ARL15: variants seen among roughly 807,000 people sequenced by gnomAD.
ARL15 encodes ADP-ribosylation factor-like protein 15.
ARL15 carries 19 observed loss-of-function variants against 25.2 expected under a neutral mutation model. The observed-to-expected ratio is 0.75, with a 90% CI of 0.53 to 1.10. The LOEUF is 1.10. Ranked by LOEUF, ARL15 falls within the 50% of genes least tolerant of loss-of-function variation. The pLI, the probability that ARL15 is intolerant of heterozygous loss-of-function variation, is 0.00. For synonymous variants in ARL15, 94 were observed against 86.8 expected, an observed-to-expected ratio of 1.08 and a Z score of -0.46; for missense variants, 220 against 246.0, an observed-to-expected ratio of 0.89 and a Z score of 0.71.
At chr5:54,199,579 C>T (rs906650014) in intron 1 of ARL15, among the ~76,000 whole-genome samples, 3 of 151,532 alleles carry the variant, frequency 2.0e-5, no homozygotes, top group Non-Finnish European at 3.0e-5. Context: ...AAATGCAAAT[C>T]AAAACCACAA....
chr5:54,224,906 C>T (rs1481306662), intron 1 of ARL15, among the ~76,000 whole-genome samples: 1 of 152,138 alleles, frequency 6.6e-6, no homozygotes. Flanking sequence ...CAGGTGGGAA[C>T]TGAGAAACAC....
chr5:54,099,187 T>C (rs1194237987), intron 4 of ARL15, among the ~76,000 whole-genome samples: 3 of 152,188 alleles, frequency 2.0e-5, no homozygotes, highest in Admixed American at 1.3e-4. Context: ...TATATTTGCA[T>C]TTGTACTTTT....
intron 4 of ARL15, among the ~76,000 whole-genome samples, chr5:54,002,352 G>C (rs1472786871): frequency 6.6e-6 from 1 of 152,228 alleles, no homozygotes; most frequent in African/African-American, 2.4e-5. Context: ...GACCTAGAGA[G>C]GGTATTGAGT....
intron 4 of ARL15, among the ~76,000 whole-genome samples, chr5:54,087,917 C>G (rs1752023080): frequency 6.6e-6 from 1 of 152,192 alleles, no homozygotes. Context: ...CTCAAGTGAT[C>G]TGCCTGCCTT....
intron 4 of ARL15, among the ~76,000 whole-genome samples, chr5:54,007,202 T>C (rs1166818656): frequency 7.2e-6 from 1 of 138,240 alleles, no homozygotes; most frequent in Non-Finnish European, 1.6e-5. Flanking sequence ...AAACTTCAGG[T>C]CTGTGGCTTT....
intron 1 of ARL15, among the ~76,000 whole-genome samples, chr5:54,225,497 C>T (rs33283): frequency 0.14 from 21,744 of 151,992 alleles, 1,842 homozygotes; most frequent in Admixed American, 0.27. Flanking sequence ...GGCCAGAGGG[C>T]TAAGGAATGA....
intron 4 of ARL15, among the ~76,000 whole-genome samples, chr5:54,044,603 T>A (rs1398159004): frequency 6.6e-6 from 1 of 152,130 alleles, no homozygotes; most frequent in East Asian, 1.9e-4. Context: ...ATATGCAACT[T>A]TTAGGGGAAA....
At chr5:53,891,413 T>C (rs1744703909) in intron 4 of ARL15, among the ~76,000 whole-genome samples, 2 of 152,148 alleles carry the variant, frequency 1.3e-5, no homozygotes, top group Non-Finnish European at 1.5e-5. Context: ...CATCATAGAA[T>C]ACGCCACCCC....
chr5:54,210,674 T>C (rs1419315931), intron 1 of ARL15, among the ~76,000 whole-genome samples: 1 of 152,220 alleles, frequency 6.6e-6, no homozygotes, highest in Non-Finnish European at 1.5e-5. Context: ...CAAAGGAAGT[T>C]TTGTTGCAGT....
chr5:53,958,809 C>CA (rs1342151662), intron 4 of ARL15, among the ~76,000 whole-genome samples: 1 of 151,462 alleles, frequency 6.6e-6, no homozygotes, highest in Non-Finnish European at 1.5e-5. Context: ...TTTTACAAGA[C>CA]AAAAAAAGAT....
intron 1 of ARL15, among the ~76,000 whole-genome samples, chr5:54,223,467 T>C (rs1336159236): frequency 2.6e-5 from 4 of 152,186 alleles, no homozygotes; most frequent in African/African-American, 7.2e-5. Context: ...ATCCCAGAGT[T>C]TCTTTAAATA....
At chr5:54,101,235 A>T (rs990316113) in intron 4 of ARL15, among the ~76,000 whole-genome samples, 1 of 152,138 alleles carries the variant, frequency 6.6e-6, no homozygotes, top group African/African-American at 2.4e-5. Flanking sequence ...AATATGATAC[A>T]ACTTTAAATA....
intron 1 of ARL15, among the ~76,000 whole-genome samples, chr5:54,257,165 T>C (rs1002532772): frequency 1.3e-5 from 2 of 152,188 alleles, no homozygotes; most frequent in Non-Finnish European, 2.9e-5. Flanking sequence ...CTGCCAATGA[T>C]AAATGAATTC....
At chr5:54,197,941 T>C (rs559923829) in intron 1 of ARL15, among the ~76,000 whole-genome samples, 1 of 152,016 alleles carries the variant, frequency 6.6e-6, no homozygotes, top group African/African-American at 2.4e-5. Flanking sequence ...AAAAAGCTTA[T>C]CCACCATGAT....
intron 1 of ARL15, among the ~76,000 whole-genome samples, chr5:54,209,302 C>G (rs1755965806): frequency 6.7e-6 from 1 of 148,922 alleles, no homozygotes; most frequent in South Asian, 2.1e-4. Flanking sequence ...AGTACATTAA[C>G]TAGAATGATG....
Position 53,886,589 on chromosome 5 carries a change from T to A in ARL15, c.587A>T (p.Glu196Val). The A allele has an allele frequency of 6.4e-7, 1 of 1,562,302 alleles. No individual in the cohort carries two copies. Among genetic ancestry groups the A allele is most frequent in the Non-Finnish European group, 8.7e-7 (1 of 1,151,606 alleles). ...SFSQLINLLE[E>V]KDHEAVRM is the part of the protein sequence containing the mutation. ...CATTCTTACAGCTTCATGGTCTTTT[T>A]CTTCTAACAAATTAATCAGCTGAGA... The change falls in exon 5 of 5, where the codon GAA becomes GTA. Residue 196 changes from glutamate (E) to valine (V), a missense_variant. Transcript: ENST00000504924.
intron 4 of ARL15, among the ~76,000 whole-genome samples, chr5:53,987,645 C>A (rs573079986): frequency 2.6e-5 from 4 of 152,196 alleles, no homozygotes; most frequent in African/African-American, 9.6e-5. Flanking sequence ...AGCTTTGGGT[C>A]CTTTCAGAAA....
chr5:53,974,942 C>T (rs987523319), intron 4 of ARL15, among the ~76,000 whole-genome samples: 2 of 151,946 alleles, frequency 1.3e-5, no homozygotes, highest in Admixed American at 6.6e-5. Context: ...AGAAGGTGAG[C>T]GGCAACAGTA....
intron 4 of ARL15, among the ~76,000 whole-genome samples, chr5:54,068,025 A>G (rs561009357): frequency 1.3e-5 from 2 of 152,318 alleles, no homozygotes; most frequent in South Asian, 4.1e-4. Flanking sequence ...AAAGACAGAG[A>G]CCATGTCTTG....
Sources: allele counts gnomAD v4.1 joint callset (sites outside exome capture counted in the v4.1 genomes callset), GRCh38; gene constraint gnomAD v4.1.1; transcripts MANE v1.5; gene names NCBI Gene and HGNC (gene_info 2026-07-23, HGNC 2026-07-21).